The following DCAF13 variants were observed in gnomAD, a reference collection of about 807,000 sequenced individuals.
The protein encoded by DCAF13 is DDB1 and CUL4 associated factor 13.
DCAF13 carries 38 observed loss-of-function variants against 59.0 expected under a neutral mutation model. The observed-to-expected ratio is 0.64, with a 90% confidence interval of 0.50 to 0.84. DCAF13 has a LOEUF of 0.84. Among genes scored for constraint, DCAF13 ranks in the 40% least tolerant of loss-of-function variants. DCAF13 has a pLI of 0.00. For missense variants in DCAF13, 469 were observed against 558.4 expected (o/e 0.84, Z 1.61); for synonymous variants, 173 against 175.0 (o/e 0.99, Z 0.09).
chr8:103,418,624 G>A (rs1816661252), intron 1 of DCAF13, among the ~76,000 whole-genome samples: 1 of 151,384 alleles, frequency 6.6e-6, no homozygotes, highest in Non-Finnish European at 1.5e-5. Flanking sequence ...AGGACTTTGA[G>A]TTTTGGTAGT....
chr8:103,421,425 C>G (rs902913862), intron 3 of DCAF13: 8 of 365,530 alleles, frequency 2.2e-5, no homozygotes, highest in Admixed American at 1.7e-4. Context: ...AGTTTTGTGC[C>G]TGTGTGTGGC....
intron 7 of DCAF13, among the ~76,000 whole-genome samples, chr8:103,434,691 A>G (rs1183821183): frequency 6.6e-6 from 1 of 152,102 alleles, no homozygotes; most frequent in South Asian, 2.1e-4. Flanking sequence ...AAGTATTTTT[A>G]TATTAGGAAC....
intron 9 of DCAF13, chr8:103,441,236 T>G: frequency 2.3e-6 from 1 of 440,910 alleles, no homozygotes; most frequent in Non-Finnish European, 4.0e-6. Flanking sequence ...TTCTACTGGG[T>G]GGCATCTATC....
Position 103,421,094 on chromosome 8 carries a change from A to G in DCAF13, c.378+12A>G. The G allele has an allele frequency of 6.7e-7, 1 of 1,491,076 alleles. No individual in the cohort carries two copies. Among genetic ancestry groups the G allele is most frequent in the South Asian group, 1.1e-5 (1 of 88,566 alleles). 92.4% of individuals were successfully genotyped at this position (1,491,076 alleles called of 1,614,324 possible). A position where few individuals can be genotyped will look rare whatever the true frequency, so the allele number is the denominator to read the frequency against. On this transcript the variant is annotated intron_variant, in intron 3 of 10. Transcript: ENST00000612750. The stretch of plus-strand genomic sequence containing the variant: ...CTTCTTTTTTCACTGTAAGTATAAT[A>G]CCATTAAGTCATTAAATTTGATCAA...
chr8:103,420,342 TG>T lies in DCAF13; in HGVS notation c.151del (p.Glu51AsnfsTer46), dbSNP rs758839320. 1 of 1,614,182 alleles carries T rather than the reference TG, an allele frequency of 6.2e-7. No individual in the cohort carries two copies. Among genetic ancestry groups the T allele is most frequent in the South Asian group, 1.1e-5 (1 of 91,084 alleles). On this transcript the variant is annotated frameshift_variant, in exon 2 of 11. Coordinates refer to ENST00000612750, the MANE Select transcript of DCAF13 (RefSeq NM_015420.7). LOFTEE classifies it high-confidence loss of function. ...ATAAGAGCTTTAAATGCTACCAAAC[TG>T]GAACGAGTATTTGCAAAACCATTCC... ...EYIRALNATKLERVFAKPFLA... is the reference protein window; with the variant it reads ...EYIRALNATKXERVFAKPFLA...
At chr8:103,441,781 C>CTT (rs59392618) in intron 10 of DCAF13, 163 bp downstream of exon 10, 3,805 of 507,642 alleles carry the variant, frequency 7.5e-3, no homozygotes, top group East Asian at 0.02. Context: ...TTTCTTTTTT[C>CTT]TTTTTTTTTT....
chr8:103,436,141 A>G (rs1365858793), intron 8 of DCAF13, among the ~76,000 whole-genome samples: 1 of 152,182 alleles, frequency 6.6e-6, no homozygotes, highest in Non-Finnish European at 1.5e-5. Context: ...TCATTGACCA[A>G]AATGTCATAT....
At chr8:103,420,761 A>G in intron 2 of DCAF13, 1 of 584,086 alleles carries the variant, frequency 1.7e-6, no homozygotes, top group South Asian at 2.3e-5. Context: ...GGCAAGTGAA[A>G]AAGTTTTGTA....
At chr8:103,420,920 C>T in intron 2 of DCAF13, 55 bp from the exon 3 acceptor site, 1 of 1,251,312 alleles carries the variant, frequency 8.0e-7, no homozygotes, top group Non-Finnish European at 1.2e-6. Flanking sequence ...TTGAATTTAT[C>T]CTGAACATTT....
Position 103,440,447 on chromosome 8 carries a change from A to G in DCAF13, c.1086+176A>G, listed in dbSNP as rs1265983321. The G allele has an allele frequency of 5.8e-6, 3 of 514,388 alleles. No individual in the cohort carries two copies. The East Asian group carries it at 1.0e-4, about 18-fold the overall frequency. The allele number at this position is 514,388 out of a possible 1,614,324, so 31.9% of individuals were successfully genotyped here. A position where few individuals can be genotyped will look rare whatever the true frequency, so the allele number is the denominator to read the frequency against. The stretch of plus-strand genomic sequence containing the variant: ...ATTGATAATTATTTGCTTCATTCTG[A>G]TCTATTATTGTAGACACTGTACATT... On this transcript the variant is annotated intron_variant, in intron 9 of 10. Coordinates refer to ENST00000612750, the MANE Select transcript of DCAF13 (RefSeq NM_015420.7).
At chr8:103,433,450 A>G (rs531553593) in intron 7 of DCAF13, among the ~76,000 whole-genome samples, 1 of 151,978 alleles carries the variant, frequency 6.6e-6, no homozygotes, top group East Asian at 1.9e-4. Context: ...TTCCCAAAGC[A>G]TTTATTATAG....
chr8:103,420,160 CAAT>C, intron 1 of DCAF13, 101 bp from the exon 2 acceptor site: 1 of 1,015,610 alleles, frequency 9.8e-7, no homozygotes. Context: ...AGGCATAGAA[CAAT>C]GTCACTAACT....
At chr8:103,418,854 ATATATATATATATTTTTTTTTTTTTTTTT>A (rs1320722744) in intron 1 of DCAF13, among the ~76,000 whole-genome samples, 2 of 24,398 alleles carry the variant, frequency 8.2e-5, no homozygotes, top group African/African-American at 3.4e-4. Context: ...ATATATATAT[ATATATATATATATTTTTTTTTTTTTTTTT>A]TTTTTTTTTT....
At chr8:103,437,686 T>C (rs1816950471) in intron 8 of DCAF13, among the ~76,000 whole-genome samples, 1 of 152,110 alleles carries the variant, frequency 6.6e-6, no homozygotes, top group Non-Finnish European at 1.5e-5. Context: ...GTTTGTTTCC[T>C]ATCATTATAA....
chr8:103,434,264 A>C (rs760880662), intron 7 of DCAF13, among the ~76,000 whole-genome samples: 6 of 152,102 alleles, frequency 3.9e-5, no homozygotes, highest in Non-Finnish European at 4.4e-5. Flanking sequence ...ACTCTATATC[A>C]TAGTTTCAGC....
intron 2 of DCAF13, 81 bp downstream of exon 2, chr8:103,420,544 G>T: frequency 7.1e-7 from 1 of 1,409,866 alleles, no homozygotes. Context: ...AGTTACTGTA[G>T]GTTTTACTTT....
chr8:103,415,576 G>T, intron 1 of DCAF13, 60 bp downstream of exon 1: 2 of 1,513,960 alleles, frequency 1.3e-6, no homozygotes, highest in South Asian at 2.5e-5. Flanking sequence ...TCTAGCCTCG[G>T]CTTTCGCGGA....
At chr8:103,436,535 C>T (rs1816936967) in intron 8 of DCAF13, among the ~76,000 whole-genome samples, 1 of 151,956 alleles carries the variant, frequency 6.6e-6, no homozygotes, top group African/African-American at 2.4e-5. Context: ...TAGTTTGGCC[C>T]TTTACTACAT....
At chr8:103,426,191 A>AG (rs755745205) in intron 4 of DCAF13, 46 bp downstream of exon 4, 1 of 1,122,124 alleles carries the variant, frequency 8.9e-7, no homozygotes, top group South Asian at 1.5e-5. Context: ...ACATTCTTTT[A>AG]TTTAAAATTA....
Sources: gnomAD v4.1 joint callset for allele counts (sites outside exome capture counted in the v4.1 genomes callset) on GRCh38, gnomAD v4.1.1 for gene constraint, MANE v1.5 for transcripts, NCBI Gene and HGNC (gene_info 2026-07-23, HGNC 2026-07-21) for gene names.